The following PRSS35 variants were observed in gnomAD, a reference collection of about 807,000 sequenced individuals.
PRSS35 encodes serine protease 35, also known as inactive serine protease 35.
PRSS35 carries 7 observed loss-of-function variants against 8.1 expected under a neutral mutation model. The ratio of observed to expected loss-of-function variants is 0.86; its 90% CI spans 0.49 to 1.62. The LOEUF (loss-of-function observed/expected upper bound fraction) is 1.62, where lower values mean the gene tolerates loss of function less well. Among genes scored for constraint, PRSS35 ranks in the 40% most tolerant of loss-of-function variants. The probability of loss-of-function intolerance (pLI) is 0.00; values close to 1 mark genes in which losing one functional copy is unlikely to be tolerated. For synonymous variants in PRSS35, 199 were observed against 188.7 expected (o/e 1.05, Z -0.45); for missense variants, 566 against 518.0 (o/e 1.09, Z -0.90).
intron 1 of PRSS35, among the ~76,000 whole-genome samples, chr6:83,516,795 T>C (rs1243215620): frequency 1.3e-5 from 2 of 152,158 alleles, no homozygotes; most frequent in Admixed American, 6.6e-5. Context: ...TCCGCTTACA[T>C]CTATCAGCTC....
At chr6:83,520,259 G>C (rs1771796801) in intron 1 of PRSS35, among the ~76,000 whole-genome samples, 1 of 152,114 alleles carries the variant, frequency 6.6e-6, no homozygotes, top group Non-Finnish European at 1.5e-5. Context: ...ACCACCTTCT[G>C]GGGTATGGCT....
intron 1 of PRSS35, among the ~76,000 whole-genome samples, chr6:83,522,235 A>C (rs1771835855): frequency 6.6e-6 from 1 of 152,182 alleles, no homozygotes; most frequent in Non-Finnish European, 1.5e-5. Flanking sequence ...TGATATTTTA[A>C]CTATTAGTTA....
In PRSS35 at chr6:83,524,487, G is replaced by A; in HGVS notation, c.1046G>A (p.Gly349Glu). 6.2e-7 allele frequency: 1 copy of A among 1,614,140 alleles called. No homozygotes were observed. The change falls in exon 2 of 2, where the codon GGG (glycine) becomes GAG (glutamate). Residue 349 changes from glycine to glutamate, a missense_variant. Transcript: ENST00000369700. ...CDAESGSTGS[G>E]VYLRLKDPDK... ...GCTGAGTCGGGCTCCACCGGTTCGG[G>A]GGTCTATCTGCGTCTGAAAGATCCA...
rs1411862646 is a variant in PRSS35 at position 83,524,437 on chromosome 6, T to G, written c.996T>G (p.Asn332Lys). 1.7e-5 allele frequency: 27 copies of G among 1,614,030 alleles called. No homozygotes were observed. Among genetic ancestry groups the G allele is most frequent in the Non-Finnish European group, 2.0e-5 (24 of 1,180,028 alleles). Reference protein sequence around the residue: ...YRFCSVSDESNDLLYQYCDAE... With the variant: ...YRFCSVSDESKDLLYQYCDAE... ...TTTGCAGTGTGTCCGACGAATCCAA[T>G]GATCTCCTTTACCAATACTGCGATG... is the stretch of plus-strand genomic sequence containing the variant. The change falls in exon 2 of 2, where the codon AAT becomes AAG. Residue 332 changes from asparagine to lysine, a missense_variant. Asn to Lys is a moderately conservative substitution (Grantham distance 94). Coordinates refer to ENST00000369700, the MANE Select transcript of PRSS35 (RefSeq NM_153362.3).
intron 1 of PRSS35, among the ~76,000 whole-genome samples, chr6:83,519,922 ATGATC>A (rs1771790702): frequency 6.6e-6 from 1 of 152,056 alleles, no homozygotes; most frequent in African/African-American, 2.4e-5. Context: ...TTGCCATTGA[ATGATC>A]TGTAGTATGA....
At position 83,512,638 on chromosome 6, in the gene PRSS35, C is replaced by T. The variant is rs1392359914; in HGVS notation, c.-77C>T. The T allele has an allele frequency of 6.6e-6, 1 of 152,296 alleles. No homozygotes were observed. Among genetic ancestry groups the T allele is most frequent in the Non-Finnish European group, 1.5e-5 (1 of 68,136 alleles). 9.4% of individuals were successfully genotyped at this position (152,296 alleles called of 1,614,324 possible). On this transcript the variant is annotated 5_prime_UTR_variant, in exon 1 of 2. Transcript: ENST00000369700. ...CCAGCTGCAGCGTCCCCGCCCGCCT[C>T]CTCGGGAGCTCTGATCTCAGCTGAC...
chr6:83,523,337 A>AT, intron 1 of PRSS35, 85 bp from the exon 2 acceptor site: 1 of 1,030,782 alleles, frequency 9.7e-7, no homozygotes, highest in Non-Finnish European at 1.4e-6. Context: ...GTGAAGGTAC[A>AT]TTTAGGATCC....
chr6:83,516,126 T>C (rs1487073433), intron 1 of PRSS35, among the ~76,000 whole-genome samples: 1 of 152,040 alleles, frequency 6.6e-6, no homozygotes, highest in Admixed American at 6.5e-5. Context: ...TCCCTACTAC[T>C]ACTTTCTTTC....
intron 1 of PRSS35, among the ~76,000 whole-genome samples, chr6:83,514,326 C>T (rs764030677): frequency 1.3e-5 from 2 of 152,130 alleles, no homozygotes; most frequent in African/African-American, 2.4e-5. Flanking sequence ...CATAGGATTG[C>T]ACAAATTGAG....
In PRSS35 at chr6:83,523,683, A is replaced by G. The variant is rs760911168; in HGVS notation, c.242A>G (p.Tyr81Cys). ...CCCAGCCTTTCTGAATTGGAGGATT[A>G]TCTTTCCTATGAGACTGTCTTTGAG... The part of the protein sequence containing the change: ...PTPSLSELED[Y>C]LSYETVFENG... The change falls in exon 2 of 2, where the codon TAT (tyrosine) becomes TGT (cysteine). Residue 81 changes from tyrosine (Y) to cysteine (C), a missense_variant. Physicochemically the swap from Tyr to Cys is radical, Grantham distance 194. Transcript: ENST00000369700. The G allele has an allele frequency of 6.2e-6, 10 of 1,614,210 alleles. No homozygotes were observed. Among genetic ancestry groups the G allele is most frequent in the Non-Finnish European group, 8.5e-6 (10 of 1,180,036 alleles).
chr6:83,522,449 A>C (rs1022592014), intron 1 of PRSS35, among the ~76,000 whole-genome samples: 3 of 152,158 alleles, frequency 2.0e-5, no homozygotes, highest in Non-Finnish European at 2.9e-5. Context: ...GGTATTATAT[A>C]ATTTATTATG....
Position 83,524,585 on chromosome 6 carries a change from C to T in PRSS35, c.1144C>T (p.Gln382Ter). The change falls in exon 2 of 2, where the codon CAG (glutamine) becomes TAG (stop). Residue 382 changes from glutamine (Q) to a stop codon, truncating the protein, a stop_gained. Coordinates refer to ENST00000369700, the MANE Select transcript of PRSS35 (RefSeq NM_153362.3). LOFTEE classifies it high-confidence loss of function. ...GHQWVDVHGVQKDYNVAVRIT... is the reference protein window; with the variant it reads ...GHQWVDVHGV ...CCAGTGGGTGGATGTCCACGGGGTT[C>T]AGAAGGACTACAACGTTGCTGTTCG... The T allele has an allele frequency of 6.2e-7, 1 of 1,614,130 alleles. No individual in the cohort carries two copies. Among genetic ancestry groups the T allele is most frequent in the Non-Finnish European group, 8.5e-7 (1 of 1,180,038 alleles).
intron 1 of PRSS35, among the ~76,000 whole-genome samples, chr6:83,518,617 A>G (rs1415251017): frequency 4.6e-5 from 7 of 152,238 alleles, no homozygotes; most frequent in African/African-American, 1.4e-4. Flanking sequence ...CAAAACAAAG[A>G]AAAAGCGAAT....
chr6:83,517,971 T>G (rs1284819039), intron 1 of PRSS35, among the ~76,000 whole-genome samples: 1 of 152,122 alleles, frequency 6.6e-6, no homozygotes, highest in Non-Finnish European at 1.5e-5. Context: ...GCTATGTACA[T>G]AAATATGGAC....
chr6:83,519,873 T>C (rs541199824), intron 1 of PRSS35, among the ~76,000 whole-genome samples: 1 of 152,222 alleles, frequency 6.6e-6, no homozygotes, highest in South Asian at 2.1e-4. Flanking sequence ...TAGTATGAGA[T>C]ATTGGAGGCA....
intron 1 of PRSS35, among the ~76,000 whole-genome samples, chr6:83,514,415 G>T (rs1219695738): frequency 6.6e-6 from 1 of 152,154 alleles, no homozygotes; most frequent in African/African-American, 2.4e-5. Flanking sequence ...GAAGTTGTGG[G>T]TTACTGTAAA....
At chr6:83,516,183 A>G (rs1771709868) in intron 1 of PRSS35, among the ~76,000 whole-genome samples, 1 of 152,192 alleles carries the variant, frequency 6.6e-6, no homozygotes, top group African/African-American at 2.4e-5. Context: ...TCACCTTTGT[A>G]AGTGTAGCAG....
rs1771905838 is a variant in PRSS35 at position 83,524,712 on chromosome 6, T to C, written c.*29T>C. On this transcript the variant is annotated 3_prime_UTR_variant, in exon 2 of 2. Coordinates refer to ENST00000369700, the MANE Select transcript of PRSS35 (RefSeq NM_153362.3). Reference sequence around the variant, plus strand: ...AGACCTGAAACAGGGCGGTGTATCATCTAAATCACAGAGAAAACCAGCTCT... The same window carrying C: ...AGACCTGAAACAGGGCGGTGTATCACCTAAATCACAGAGAAAACCAGCTCT... 1.3e-6 allele frequency: 2 copies of C among 1,562,830 alleles called. No homozygotes were observed. Among genetic ancestry groups the C allele is most frequent in the African/African-American group, 2.7e-5 (2 of 73,398 alleles).
intron 1 of PRSS35, among the ~76,000 whole-genome samples, chr6:83,518,670 C>T (rs1324286382): frequency 1.3e-5 from 2 of 152,186 alleles, no homozygotes; most frequent in Non-Finnish European, 2.9e-5. Context: ...AAATATTTGA[C>T]TGTAAAACTG....
Sources: gnomAD v4.1 joint callset for allele counts (sites outside exome capture counted in the v4.1 genomes callset) on GRCh38, gnomAD v4.1.1 for gene constraint, MANE v1.5 for transcripts, NCBI Gene and HGNC (gene_info 2026-07-23, HGNC 2026-07-21) for gene names.